NCKAP1: variants seen among roughly 807,000 people sequenced by gnomAD.
NCKAP1 encodes NCK associated protein 1.
A neutral mutation model predicts 151.2 loss-of-function variants in NCKAP1; 21 were observed. That is an observed-to-expected ratio of 0.14 (90% confidence interval 0.10 to 0.20). NCKAP1 has a LOEUF of 0.20. NCKAP1 is among the 10% of genes least tolerant of loss of function. The pLI is 1.00. For missense variants in NCKAP1, 933 were observed against 1,352.1 expected (o/e 0.69, Z 4.86); for synonymous variants, 484 against 451.8 (o/e 1.07, Z -0.90).
At chr2:182,933,075 T>C (rs938653103) in intron 26 of NCKAP1, among the ~76,000 whole-genome samples, 3 of 152,184 alleles carry the variant, frequency 2.0e-5, no homozygotes, top group Non-Finnish European at 4.4e-5. Context: ...CCACAGGAGA[T>C]AAACAAGTTC....
chr2:182,946,739 CA>C (rs5836861), intron 23 of NCKAP1, among the ~76,000 whole-genome samples: 18 of 132,476 alleles, frequency 1.4e-4, no homozygotes, highest in Admixed American at 3.1e-4. Flanking sequence ...ATAAACCTAC[CA>C]AAAAAAAAAA....
intron 18 of NCKAP1, among the ~76,000 whole-genome samples, 175 bp from the exon 19 acceptor site, chr2:182,957,771 A>G (rs1697355943): frequency 6.6e-6 from 1 of 152,258 alleles, no homozygotes; most frequent in Non-Finnish European, 1.5e-5. Context: ...TAATGCACAT[A>G]GCTTGGTGAA....
chr2:182,933,437 A>C (rs1445940532), intron 26 of NCKAP1, among the ~76,000 whole-genome samples: 2 of 129,574 alleles, frequency 1.5e-5, no homozygotes, highest in Admixed American at 9.2e-5. Flanking sequence ...CCTGTTGCCC[A>C]GGCTGGAGTG....
chr2:183,023,323 AC>A (rs1698830668), intron 2 of NCKAP1, among the ~76,000 whole-genome samples: 1 of 152,134 alleles, frequency 6.6e-6, no homozygotes, highest in Non-Finnish European at 1.5e-5. Context: ...AAAGACCCTA[AC>A]ACAATCATTT....
intron 1 of NCKAP1, among the ~76,000 whole-genome samples, chr2:183,026,647 AACTGGCTG>A (rs775503105): frequency 1.3e-5 from 2 of 152,190 alleles, no homozygotes; most frequent in Non-Finnish European, 2.9e-5. Context: ...TCTGGAATAA[AACTGGCTG>A]AGTTTCAATT....
At position 183,038,268 on chromosome 2, in the gene NCKAP1, C is replaced by G. The variant is rs1699147858; in HGVS notation, c.-169G>C. ...AATCCCGCGCCGGCGACAGAGCGAG[C>G]CGCGGCGGACTCCTCGGAGCCCCTT... On this transcript the variant is annotated 5_prime_UTR_variant, in exon 1 of 31. Transcript: ENST00000361354. 2 of 432,658 alleles carry G rather than the reference C, an allele frequency of 4.6e-6. No individual in the cohort carries two copies. The highest frequency in any genetic ancestry group is 7.7e-5 in the East Asian group (2 of 26,006). The allele number at this position is 432,658 out of a possible 1,614,324, so 26.8% of individuals were successfully genotyped here.
chr2:183,013,890 C>A (rs565389928), intron 2 of NCKAP1, among the ~76,000 whole-genome samples: 1 of 152,146 alleles, frequency 6.6e-6, no homozygotes, highest in African/African-American at 2.4e-5. Flanking sequence ...TTTGGAGCTG[C>A]GGTTCCTTCA....
chr2:182,981,462 A>G (rs1375849373), intron 12 of NCKAP1, 86 bp from the exon 13 acceptor site: 6 of 1,089,276 alleles, frequency 5.5e-6, no homozygotes, highest in Admixed American at 4.7e-5. Context: ...CTTATTTCTA[A>G]AAGTATTTTT....
chr2:182,919,877 C>CT lies in NCKAP1; in HGVS notation c.*5824dup, dbSNP rs1696523472. On this transcript the variant is annotated 3_prime_UTR_variant, in exon 31 of 31. Coordinates refer to ENST00000361354, the MANE Select transcript of NCKAP1 (RefSeq NM_013436.5). ...ATGTTGGCCAGGTTGGTCTCAATCT[C>CT]TTGACCTCAGGTGATCCATCCACCT... The CT allele has an allele frequency of 6.6e-6, 1 of 152,280 alleles. No homozygotes were observed. Among genetic ancestry groups the CT allele is most frequent in the African/African-American group, 2.4e-5 (1 of 41,442 alleles). The allele number at this position is 152,280 out of a possible 1,614,324, so 9.4% of individuals were successfully genotyped here.
In NCKAP1 at chr2:183,031,399, C is replaced by A. The variant is rs187099851; in HGVS notation, c.108+6593G>T. ...TTTTTAAAGTATATATATTGTCATACCTTTGCGGTTAAAAAGAAATTGTTA... is the reference window on the plus strand; with the variant it reads ...TTTTTAAAGTATATATATTGTCATAACTTTGCGGTTAAAAAGAAATTGTTA... On this transcript the variant is annotated intron_variant, in intron 1 of 30. Coordinates refer to ENST00000361354, the MANE Select transcript of NCKAP1 (RefSeq NM_013436.5). Among the ~76,000 whole-genome samples the A allele has an allele frequency of 2.6e-5, 4 of 152,202 alleles. No homozygotes were observed. In the East Asian group the frequency reaches 7.7e-4, roughly 29 times the overall value.
At chr2:183,009,314 G>A (rs556213942) in intron 2 of NCKAP1, among the ~76,000 whole-genome samples, 1 of 150,288 alleles carries the variant, frequency 6.7e-6, no homozygotes, top group East Asian at 2.0e-4. Flanking sequence ...GGTGGAGGCT[G>A]CAGTGAGCCA....
intron 1 of NCKAP1, among the ~76,000 whole-genome samples, chr2:183,027,123 G>A (rs1352434988): frequency 6.6e-6 from 1 of 152,162 alleles, no homozygotes; most frequent in Non-Finnish European, 1.5e-5. Flanking sequence ...TTAAGAACCT[G>A]AGTTTCAAGA....
intron 2 of NCKAP1, among the ~76,000 whole-genome samples, chr2:183,016,830 T>C (rs1698697995): frequency 6.6e-6 from 1 of 152,064 alleles, no homozygotes; most frequent in Non-Finnish European, 1.5e-5. Flanking sequence ...TAGGAGAGAT[T>C]GGATGGCATA....
In NCKAP1 at chr2:182,979,328, A is replaced by C. The variant is rs1297410674; in HGVS notation, c.1342-413T>G. On this transcript the variant is annotated intron_variant, in intron 13 of 30. Transcript: ENST00000361354. ...ATATGGTGATGGTAATAGTTGCACA[A>C]ATGCATACAGCTACCAAAATTTACA... Among the ~76,000 whole-genome samples, 4 of 152,090 alleles carry C rather than the reference A, an allele frequency of 2.6e-5. No homozygotes were observed. In the East Asian group the frequency reaches 7.7e-4, roughly 29 times the overall value.
chr2:182,930,879 C>T (rs1226703152), intron 26 of NCKAP1, 91 bp from the exon 27 acceptor site: 23 of 1,130,328 alleles, frequency 2.0e-5, no homozygotes, highest in Non-Finnish European at 2.6e-5. Flanking sequence ...TAGAAGAACA[C>T]CAGAGAATTT....
chr2:183,005,248 T>C (rs1190053330), intron 2 of NCKAP1, among the ~76,000 whole-genome samples: 1 of 152,234 alleles, frequency 6.6e-6, no homozygotes, highest in Non-Finnish European at 1.5e-5. Context: ...ATTTGGTTTA[T>C]ATTGGGCTTA....
At chr2:182,981,081 CAACT>C (rs1373440323) in intron 13 of NCKAP1, among the ~76,000 whole-genome samples, 159 bp downstream of exon 13, 6 of 152,174 alleles carry the variant, frequency 3.9e-5, no homozygotes, top group South Asian at 2.1e-4. Context: ...CATTGGACTA[CAACT>C]AACTGTTTCT....
rs540377182 is a variant in NCKAP1 at position 183,014,924 on chromosome 2, A to G, written c.219+8882T>C. ...GCATCAAAATCACCACTGCAGCCAA[A>G]TGGACCAACAACTGTTTGAAAGCTG... On this transcript the variant is annotated intron_variant, in intron 2 of 30. Coordinates refer to ENST00000361354, the MANE Select transcript of NCKAP1 (RefSeq NM_013436.5). Among the ~76,000 whole-genome samples, 9 of 152,342 alleles carry G rather than the reference A, an allele frequency of 5.9e-5. No individual in the cohort carries two copies. In the South Asian group the frequency reaches 1.9e-3, roughly 32 times the overall value.
intron 29 of NCKAP1, 110 bp from the exon 30 acceptor site, chr2:182,927,015 A>G: frequency 1.5e-6 from 1 of 679,412 alleles, no homozygotes; most frequent in South Asian, 1.9e-5. Flanking sequence ...AGTGCTAAAT[A>G]TAAAATAATG....
Sources: allele counts gnomAD v4.1 joint callset (sites outside exome capture counted in the v4.1 genomes callset), GRCh38; gene constraint gnomAD v4.1.1; transcripts MANE v1.5; gene names NCBI Gene and HGNC (gene_info 2026-07-23, HGNC 2026-07-21).